Variants in RIPOR3 observed in about 807,000 individuals in gnomAD.
The protein encoded by RIPOR3 is RIPOR family member 3, also known as family with sequence similarity 65 member C.
Under a neutral mutation model 114.3 loss-of-function variants are expected in RIPOR3, and 95 were observed. The ratio of observed to expected loss-of-function variants is 0.83; its 90% CI spans 0.70 to 0.99. The LOEUF is 0.99. Among genes scored for constraint, RIPOR3 ranks in the 50% least tolerant of loss-of-function variants. The probability of loss-of-function intolerance (pLI) is 0.00; values close to 1 mark genes in which losing one functional copy is unlikely to be tolerated. For synonymous variants in RIPOR3, 575 were observed against 543.8 expected (o/e 1.06, Z -0.80); for missense variants, 1,252 against 1,266.9 (o/e 0.99, Z 0.18).
intron 11 of RIPOR3, among the ~76,000 whole-genome samples, chr20:50,606,727 CTTTTTT>C: frequency 6.8e-6 from 1 of 147,534 alleles, no homozygotes; most frequent in South Asian, 2.1e-4. Context: ...GCTTTCTTGC[CTTTTTT>C]TTTTTTCTTT....
intron 2 of RIPOR3, among the ~76,000 whole-genome samples, chr20:50,628,309 T>A (rs2084693960): frequency 6.6e-6 from 1 of 152,058 alleles, no homozygotes; most frequent in South Asian, 2.1e-4. Context: ...ACTTAAACCC[T>A]TCCCAGGCTC....
In RIPOR3 at chr20:50,586,802, G is replaced by A. The variant is rs770048661; in HGVS notation, c.*430C>T. On this transcript the variant is annotated 3_prime_UTR_variant, in exon 22 of 22. Transcript: ENST00000327979. ...CACCTGCCAGCCTGCTGCATCCCCA[G>A]TGCCTCTTGACGCAGAAGTGCCGAG... The A allele has an allele frequency of 6.0e-5, 10 of 167,396 alleles. No individual in the cohort carries two copies. The highest frequency in any genetic ancestry group is 1.0e-4 in the Non-Finnish European group (8 of 76,340). The allele number at this position is 167,396 out of a possible 1,614,324, so 10.4% of individuals were successfully genotyped here.
At chr20:50,635,223 T>A (rs2084942889) in intron 1 of RIPOR3, among the ~76,000 whole-genome samples, 1 of 152,200 alleles carries the variant, frequency 6.6e-6, no homozygotes, top group African/African-American at 2.4e-5. Context: ...CTGTTGAGGA[T>A]GATGGGTGGC....
Position 50,609,603 on chromosome 20 carries a change from C to T in RIPOR3, c.546G>A (p.Glu182=), listed in dbSNP as rs2083871871. 2.8e-6 allele frequency: 4 copies of T among 1,415,726 alleles called. No homozygotes were observed. The highest frequency in any genetic ancestry group is 3.7e-6 in the Non-Finnish European group (4 of 1,088,748). 87.7% of individuals were successfully genotyped at this position (1,415,726 alleles called of 1,614,324 possible). A position where few individuals can be genotyped will look rare whatever the true frequency, so the allele number is the denominator to read the frequency against. The change falls in exon 7 of 22, where the codon GAG becomes GAA. Residue 182 remains glutamate, a synonymous_variant. Coordinates refer to ENST00000327979, the MANE Select transcript of RIPOR3 (RefSeq NM_001290268.2). ...PSRAARESLQ[E]LGRSLHECAE... ...CGCACTCGTGCAGGCTGCGGCCCAG[C>T]TCCTGCAGGCTCTCTCGGGCTGCGC...
Position 50,611,178 on chromosome 20 carries a change from C to T in RIPOR3, c.372+3G>A, listed in dbSNP as rs1315026407. ...CCACCTCACTCACCGTATGCAGACT[C>T]ACCTTGTCCAGGTCATAATAGAAAG... is the stretch of plus-strand genomic sequence containing the variant. On this transcript the variant is annotated splice_donor_region_variant and intron_variant, in intron 5 of 21. Coordinates refer to ENST00000327979, the MANE Select transcript of RIPOR3 (RefSeq NM_001290268.2). The T allele has an allele frequency of 2.5e-6, 4 of 1,614,108 alleles. No homozygotes were observed. In the Admixed American group the frequency reaches 5.0e-5, roughly 20 times the overall value.
intron 16 of RIPOR3, chr20:50,595,104 A>C: frequency 3.7e-6 from 2 of 539,008 alleles, no homozygotes; most frequent in Non-Finnish European, 6.7e-6. Flanking sequence ...CCCTCCTCCT[A>C]TGCAGATAGG....
At chr20:50,621,007 C>A in intron 2 of RIPOR3, 1 of 493,746 alleles carries the variant, frequency 2.0e-6, no homozygotes, top group South Asian at 1.8e-5. Context: ...ACATCCACGC[C>A]AAGAGGAAGC....
chr20:50,596,468 AGGCAGGGCG>A (rs1022992298), intron 14 of RIPOR3, among the ~76,000 whole-genome samples: 1 of 152,154 alleles, frequency 6.6e-6, no homozygotes, highest in Admixed American at 6.5e-5. Context: ...GGCCTGGGGA[AGGCAGGGCG>A]GGCAGTCGTC....
chr20:50,666,624 G>T (rs1337681745), intron 1 of RIPOR3, among the ~76,000 whole-genome samples: 1 of 151,386 alleles, frequency 6.6e-6, no homozygotes, highest in Non-Finnish European at 1.5e-5. Flanking sequence ...GAGTGCGGTG[G>T]TGCCATCTCA....
At chr20:50,678,146 C>CGGTG (rs2086736625) in intron 1 of RIPOR3, among the ~76,000 whole-genome samples, 1 of 152,156 alleles carries the variant, frequency 6.6e-6, no homozygotes, top group East Asian at 1.9e-4. Flanking sequence ...GGTGCTAAAC[C>CGGTG]GGTGGCTGAT....
At chr20:50,596,511 G>A (rs867264571) in intron 14 of RIPOR3, among the ~76,000 whole-genome samples, 1 of 152,234 alleles carries the variant, frequency 6.6e-6, no homozygotes, top group African/African-American at 2.4e-5. Flanking sequence ...CGTGGAGGTA[G>A]AAGAGAATTC....
intron 13 of RIPOR3, among the ~76,000 whole-genome samples, chr20:50,598,711 C>G (rs1042022297): frequency 2.0e-5 from 3 of 152,084 alleles, no homozygotes; most frequent in African/African-American, 7.2e-5. Context: ...TCAAGACCAG[C>G]CTGGCCAACA....
Position 50,608,522 on chromosome 20 carries a change from G to C in RIPOR3, c.823C>G (p.Arg275Gly). 1 of 1,613,760 alleles carries C rather than the reference G, an allele frequency of 6.2e-7. No individual in the cohort carries two copies. The highest frequency in any genetic ancestry group is 8.5e-7 in the Non-Finnish European group (1 of 1,179,896). The change falls in exon 11 of 22, where the codon CGG (arginine) becomes GGG (glycine). Residue 275 changes from arginine (R) to glycine (G), a missense_variant. Coordinates refer to ENST00000327979, the MANE Select transcript of RIPOR3 (RefSeq NM_001290268.2). Reference sequence around the variant, plus strand: ...CCCACAGCCAGCGAGCCCAGGCCCCGCAACTCCGTCACCTGGGGGTGGGGG... The same window carrying C: ...CCCACAGCCAGCGAGCCCAGGCCCCCCAACTCCGTCACCTGGGGGTGGGGG... ...ENLDIKVTEL[R>G]GLGSLAVGAV... is the part of the protein sequence containing the mutation.
At chr20:50,664,826 G>A (rs775927104) in intron 1 of RIPOR3, among the ~76,000 whole-genome samples, 8 of 152,308 alleles carry the variant, frequency 5.3e-5, no homozygotes, top group Non-Finnish European at 2.9e-5. Flanking sequence ...ACCCGGCTGG[G>A]CACGGTGGCT....
intron 1 of RIPOR3, chr20:50,659,933 C>T (rs1326872578): frequency 6.6e-6 from 1 of 152,192 alleles, no homozygotes; most frequent in African/African-American, 2.4e-5. Flanking sequence ...CACCGGACCC[C>T]GGAGAGACCA....
intron 1 of RIPOR3, among the ~76,000 whole-genome samples, chr20:50,656,786 C>G (rs1419096908): frequency 6.6e-6 from 1 of 152,220 alleles, no homozygotes; most frequent in Non-Finnish European, 1.5e-5. Flanking sequence ...GCGTGAGCTA[C>G]CGTGCCCGGC....
chr20:50,679,135 A>AAT (rs1568964701), intron 1 of RIPOR3, among the ~76,000 whole-genome samples: 2,868 of 20,782 alleles, frequency 0.14, 200 homozygotes, highest in Non-Finnish European at 0.19. Context: ...AAAAAAAAAA[A>AAT]ATATATATAT....
chr20:50,628,279 C>A (rs966861650), intron 2 of RIPOR3, among the ~76,000 whole-genome samples: 1 of 152,126 alleles, frequency 6.6e-6, no homozygotes, highest in African/African-American at 2.4e-5. Context: ...GGGTCAAATT[C>A]TTCTCGTCTT....
chr20:50,604,671 G>T lies in RIPOR3; in HGVS notation c.1060C>A (p.Pro354Thr). ...SLYNWTPPST[P>T]SFRERYYLSV... ...AGGTAGTATCTCTCCCGGAAGCTGG[G>T]GGTGCTCGGGGGTGTCCAGTTGTAC... Residue 354 changes from proline to threonine, a missense_variant, in exon 12 of 22, where the codon CCC becomes ACC. By Grantham distance (38) the Pro-to-Thr change is conservative. Transcript: ENST00000327979. The T allele has an allele frequency of 1.2e-6, 2 of 1,608,120 alleles. No individual in the cohort carries two copies. Among genetic ancestry groups the T allele is most frequent in the Non-Finnish European group, 1.7e-6 (2 of 1,177,756 alleles).
Sources: gnomAD v4.1 joint callset for allele counts (sites outside exome capture counted in the v4.1 genomes callset) on GRCh38, gnomAD v4.1.1 for gene constraint, MANE v1.5 for transcripts, NCBI Gene and HGNC (gene_info 2026-07-23, HGNC 2026-07-21) for gene names.